The following DNAJB2 variants were observed in gnomAD, a reference collection of about 807,000 sequenced individuals.
DNAJB2 encodes the protein dnaJ homolog subfamily B member 2.
A neutral mutation model predicts 33.3 loss-of-function variants in DNAJB2; 19 were observed. The ratio of observed to expected loss-of-function variants is 0.57; its 90% confidence interval spans 0.40 to 0.84. DNAJB2 has a LOEUF of 0.84. DNAJB2 is among the 40% of genes least tolerant of loss of function. DNAJB2 has a pLI of 0.00. For synonymous variants in DNAJB2, 172 were observed against 164.6 expected (o/e 1.04, Z -0.34); for missense variants, 368 against 430.9 (o/e 0.85, Z 1.29).
chr2:219,282,077 A>T lies in DNAJB2; in HGVS notation c.352+16A>T. On this transcript the variant is annotated intron_variant, in intron 5 of 8. Transcript: ENST00000336576. Reference sequence around the variant, plus strand: ...GAGCTCTTTGGTGAGTGGACTCTGGAAGCCTCTGAATGGCTCAACTTCCCC... The same window carrying T: ...GAGCTCTTTGGTGAGTGGACTCTGGTAGCCTCTGAATGGCTCAACTTCCCC... 1.2e-6 allele frequency: 2 copies of T among 1,613,964 alleles called. No individual in the cohort carries two copies. The highest frequency in any genetic ancestry group is 1.7e-6 in the Non-Finnish European group (2 of 1,180,010).
At position 219,284,762 on chromosome 2, in the gene DNAJB2, T is replaced by C; in HGVS notation, c.750T>C (p.Ser250=). 1 of 1,613,470 alleles carries C rather than the reference T, an allele frequency of 6.2e-7. No individual in the cohort carries two copies. The highest frequency in any genetic ancestry group is 8.5e-7 in the Non-Finnish European group (1 of 1,179,940). The part of the protein sequence containing the change: ...PASCPLDSDL[S]EDEDLQLAMA... ...CATGCCCCTTGGACAGCGACCTCTCTGAGGATGAGGACCTGCAGCTGGCCA... is the reference window on the plus strand; with the variant it reads ...CATGCCCCTTGGACAGCGACCTCTCCGAGGATGAGGACCTGCAGCTGGCCA... The change falls in exon 9 of 9, where the codon TCT becomes TCC. Residue 250 remains serine, a synonymous_variant. Transcript: ENST00000336576.
Position 219,286,135 on chromosome 2 carries a change from CGGGTGGGA to C in DNAJB2, c.*1151_*1158del. 3.4e-5 allele frequency: 1 copy of C among 28,992 alleles called. No individual in the cohort carries two copies. The highest frequency in any genetic ancestry group is 7.2e-5 in the Non-Finnish European group (1 of 13,808). 1.8% of individuals were successfully genotyped at this position (28,992 alleles called of 1,614,324 possible). On this transcript the variant is annotated 3_prime_UTR_variant, in exon 9 of 9. Coordinates refer to ENST00000336576, the MANE Select transcript of DNAJB2 (RefSeq NM_006736.6). The stretch of plus-strand genomic sequence containing the variant: ...CGGGGCCTGGGTGGCGGGTGGGGGC[CGGGTGGGA>C]GGTGGCAGTAGTCTTAGCCTGTGCA...
In DNAJB2 at chr2:219,281,953, C is replaced by T. The variant is rs763649673; in HGVS notation, c.244C>T (p.Arg82Trp). ...GLTGTGTGPS[R>W]AEAGSGGPGF... The stretch of plus-strand genomic sequence containing the variant: ...TGCCTTTCCAGGAACTGGCCCATCT[C>T]GGGCAGAAGCTGGCAGTGGTGGGCC... The change falls in exon 5 of 9, where the codon CGG becomes TGG. Residue 82 changes from arginine to tryptophan, a missense_variant. By Grantham distance (101) the Arg-to-Trp change is moderately radical. Transcript: ENST00000336576. The T allele has an allele frequency of 1.1e-5, 17 of 1,614,022 alleles. No individual in the cohort carries two copies. Among genetic ancestry groups the T allele is most frequent in the African/African-American group, 5.3e-5 (4 of 74,928 alleles).
chr2:219,280,217 G>A, intron 2 of DNAJB2: 1 of 516,704 alleles, frequency 1.9e-6, no homozygotes, highest in Non-Finnish European at 3.5e-6. Context: ...GCATTCTCAG[G>A]CTGCAGTGCA....
At position 219,283,248 on chromosome 2, in the gene DNAJB2, T is replaced by G. The variant is rs1479396956; in HGVS notation, c.548+13T>G. 7.4e-6 allele frequency: 12 copies of G among 1,614,016 alleles called. No individual in the cohort carries two copies. Among genetic ancestry groups the G allele is most frequent in the African/African-American group, 1.3e-5 (1 of 74,930 alleles). On this transcript the variant is annotated intron_variant, in intron 7 of 8. Coordinates refer to ENST00000336576, the MANE Select transcript of DNAJB2 (RefSeq NM_006736.6). ...TCACCACACGCAGGTGAGAGCTCCTTCTGGGGCCATAGAGGGGTGAGAGGT... is the reference window on the plus strand; with the variant it reads ...TCACCACACGCAGGTGAGAGCTCCTGCTGGGGCCATAGAGGGGTGAGAGGT...
intron 3 of DNAJB2, chr2:219,281,483 C>T: frequency 5.2e-6 from 3 of 579,238 alleles, no homozygotes; most frequent in Non-Finnish European, 9.3e-6. Context: ...TGTGCAACAA[C>T]CCTGTGCGGT....
intron 2 of DNAJB2, 125 bp from the exon 3 acceptor site, chr2:219,280,453 G>A (rs1237060715): frequency 4.9e-5 from 33 of 677,714 alleles, no homozygotes; most frequent in Non-Finnish European, 8.2e-5. Context: ...TAGCAGCTGG[G>A]GTGGACTGGG....
chr2:219,279,718 C>A lies in DNAJB2; in HGVS notation c.-36-80C>A. ...CTCCGCTTCCAACTGGGAGCGCCTTCCGCCACCCGGGGAGGGGGACTGCTG... is the reference window on the plus strand; with the variant it reads ...CTCCGCTTCCAACTGGGAGCGCCTTACGCCACCCGGGGAGGGGGACTGCTG... On this transcript the variant is annotated intron_variant, in intron 1 of 8. Coordinates refer to ENST00000336576, the MANE Select transcript of DNAJB2 (RefSeq NM_006736.6). The surrounding 1 kb of genome is among the most constrained non-coding windows in gnomAD (Gnocchi z 4.9). 8.3e-7 allele frequency: 1 copy of A among 1,202,514 alleles called. No homozygotes were observed. Among genetic ancestry groups the A allele is most frequent in the Non-Finnish European group, 1.2e-6 (1 of 851,802 alleles). 74.5% of individuals were successfully genotyped at this position (1,202,514 alleles called of 1,614,324 possible).
intron 2 of DNAJB2, chr2:219,280,286 A>C: frequency 3.7e-6 from 2 of 534,072 alleles, no homozygotes; most frequent in Non-Finnish European, 6.7e-6. Flanking sequence ...GTACTCTTCG[A>C]GGCCACATGT....
chr2:219,286,100 A>G lies in DNAJB2; in HGVS notation c.*1113A>G. ...CCATTTCTCCCCCTCACCCATGCTG[A>G]GTGTAGAGCCGGGGCCTGGGTGGCG... On this transcript the variant is annotated 3_prime_UTR_variant, in exon 9 of 9. Transcript: ENST00000336576. 1 of 787,956 alleles carries G rather than the reference A, an allele frequency of 1.3e-6. No homozygotes were observed. Among genetic ancestry groups the G allele is most frequent in the Non-Finnish European group, 1.6e-6 (1 of 614,448 alleles). The allele number at this position is 787,956 out of a possible 1,614,324, so 48.8% of individuals were successfully genotyped here. A position where few individuals can be genotyped will look rare whatever the true frequency, so the allele number is the denominator to read the frequency against.
In DNAJB2 at chr2:219,282,888, G is replaced by C. The variant is rs777545120; in HGVS notation, c.404G>C (p.Gly135Ala). The C allele has an allele frequency of 6.2e-7, 1 of 1,607,014 alleles. No homozygotes were observed. Among genetic ancestry groups the C allele is most frequent in the African/African-American group, 1.3e-5 (1 of 74,386 alleles). ...CAGAACCGGGGTTCCCGACACTCAG[G>C]CCCCTTCTTTACCTTCTCTTCCTCC... The part of the protein sequence containing the change: ...ELQNRGSRHS[G>A]PFFTFSSSFP... The change falls in exon 6 of 9, where the codon GGC (glycine) becomes GCC (alanine). Residue 135 changes from glycine to alanine, a missense_variant. Transcript: ENST00000336576.
intron 5 of DNAJB2, 117 bp from the exon 6 acceptor site, chr2:219,282,720 C>A: frequency 1.1e-6 from 1 of 940,600 alleles, no homozygotes; most frequent in Non-Finnish European, 1.5e-6. Context: ...AACTAAAAAG[C>A]GGAAAAGAAA....
chr2:219,283,527 G>C (rs771299169), intron 8 of DNAJB2, 38 bp downstream of exon 8: 1 of 1,592,068 alleles, frequency 6.3e-7, no homozygotes, highest in Non-Finnish European at 8.6e-7. Flanking sequence ...CTGGCAGGAA[G>C]CCCCAGCCCC....
Position 219,285,456 on chromosome 2 carries a change from TTC to T in DNAJB2, c.*471_*472del, listed in dbSNP as rs1559287851. The T allele has an allele frequency of 2.0e-6, 2 of 1,003,964 alleles. No homozygotes were observed. Among genetic ancestry groups the T allele is most frequent in the African/African-American group, 3.5e-5 (2 of 57,956 alleles). The allele number at this position is 1,003,964 out of a possible 1,614,324, so 62.2% of individuals were successfully genotyped here. On this transcript the variant is annotated 3_prime_UTR_variant, in exon 9 of 9. Coordinates refer to ENST00000336576, the MANE Select transcript of DNAJB2 (RefSeq NM_006736.6). ...CCAGCTGCAGACCCCCAACCCTGGT[TTC>T]TGTGCCATGTTGCGCTCTGACCGTC...
Position 219,283,125 on chromosome 2 carries a change from G to A in DNAJB2, c.446-8G>A, listed in dbSNP as rs3821039. ...ACCTCTCCTCCTCCTCCCTTGTCCC[G>A]ATGCCAGATTTCTCCTCCTCATCTT... On this transcript the variant is annotated splice_polypyrimidine_tract_variant and splice_region_variant and intron_variant, in intron 6 of 8. Coordinates refer to ENST00000336576, the MANE Select transcript of DNAJB2 (RefSeq NM_006736.6). 0.034 allele frequency: 55,434 copies of A among 1,613,938 alleles called. 3,924 individuals carry two copies. Among genetic ancestry groups the A allele is most frequent in the African/African-American group, 0.28 (21,012 of 74,976 alleles).
rs373611775 is a variant in DNAJB2, at chr2:219,284,670, C to A, written c.658C>A (p.Arg220Ser). ...CCTGGCACTGGGCTTGGAGCTGAGC[C>A]GTCGCGAGCAGCAGCCGTCAGTCAC... ...DDLALGLELS[R>S]REQQPSVTSR... Residue 220 changes from arginine (R) to serine (S), a missense_variant, in exon 9 of 9, where the codon CGT becomes AGT. Arg to Ser is a moderately radical substitution (Grantham distance 110). Transcript: ENST00000336576. 8.1e-6 allele frequency: 13 copies of A among 1,605,574 alleles called. No individual in the cohort carries two copies. Among genetic ancestry groups the A allele is most frequent in the Middle Eastern group, 1.9e-4 (1 of 5,336 alleles).
Position 219,280,701 on chromosome 2 carries a change from T to A in DNAJB2, c.175+14T>A. On this transcript the variant is annotated intron_variant, in intron 3 of 8. Coordinates refer to ENST00000336576, the MANE Select transcript of DNAJB2 (RefSeq NM_006736.6). ...TGCTGTCTGACAGTAAGGGCCGGGG[T>A]CAGGCAGGACCCAGCACATCACCCC... 1 of 1,591,488 alleles carries A rather than the reference T, an allele frequency of 6.3e-7. No homozygotes were observed. The highest frequency in any genetic ancestry group is 8.6e-7 in the Non-Finnish European group (1 of 1,160,396).
chr2:219,284,990 A>G lies in DNAJB2; in HGVS notation c.*3A>G, dbSNP rs754792545. On this transcript the variant is annotated 3_prime_UTR_variant, in exon 9 of 9. Coordinates refer to ENST00000336576, the MANE Select transcript of DNAJB2 (RefSeq NM_006736.6). ...CCTCTCGCTGCCTCATCCTCTGAAC[A>G]CCGGGCCCAACCTGATCTGATCCAG... is the stretch of plus-strand genomic sequence containing the variant. 1.3e-6 allele frequency: 2 copies of G among 1,485,932 alleles called. No individual in the cohort carries two copies. Among genetic ancestry groups the G allele is most frequent in the Non-Finnish European group, 1.8e-6 (2 of 1,113,650 alleles). 92.0% of individuals were successfully genotyped at this position (1,485,932 alleles called of 1,614,324 possible). A position where few individuals can be genotyped will look rare whatever the true frequency, so the allele number is the denominator to read the frequency against.
Position 219,284,901 on chromosome 2 carries a change from G to C in DNAJB2, c.889G>C (p.Gly297Arg), listed in dbSNP as rs763018408. ...PKAQHQDPGL[G>R]GTQEGARGEA... ...GGCCCAGCACCAAGATCCAGGCTTG[G>C]GGGGGACCCAGGAGGGTGCGAGGGG... The change falls in exon 9 of 9, where the codon GGG (glycine) becomes CGG (arginine). Residue 297 changes from glycine to arginine, a missense_variant. Coordinates refer to ENST00000336576, the MANE Select transcript of DNAJB2 (RefSeq NM_006736.6). 1.6e-5 allele frequency: 25 copies of C among 1,603,608 alleles called. No homozygotes were observed. The highest frequency in any genetic ancestry group is 2.2e-5 in the East Asian group (1 of 44,588).
Sources: allele counts gnomAD v4.1 joint callset, GRCh38; gene constraint gnomAD v4.1.1; non-coding constraint Gnocchi (gnomAD v3.1); transcripts MANE v1.5; gene names NCBI Gene and HGNC (gene_info 2026-07-23, HGNC 2026-07-21).